ARFIP1: variants seen among roughly 807,000 people sequenced by gnomAD.
ARFIP1 encodes arfaptin-1.
A neutral mutation model predicts 42.5 loss-of-function variants in ARFIP1; 24 were observed. The observed-to-expected ratio is 0.57, with a 90% CI of 0.41 to 0.80. ARFIP1 has a LOEUF of 0.80. ARFIP1 is among the 30% of genes least tolerant of loss of function. ARFIP1 has a pLI of 0.00. For missense variants in ARFIP1, 354 were observed against 434.0 expected, an observed-to-expected ratio of 0.82 and a Z score of 1.64; for synonymous variants, 141 against 153.7, an observed-to-expected ratio of 0.92 and a Z score of 0.61.
At chr4:152,882,359 G>A (rs1024305226) in intron 6 of ARFIP1, among the ~76,000 whole-genome samples, 3 of 152,138 alleles carry the variant, frequency 2.0e-5, no homozygotes, top group Non-Finnish European at 4.4e-5. Flanking sequence ...TAATTTGGCT[G>A]TGAAAGTTAT....
intron 1 of ARFIP1, among the ~76,000 whole-genome samples, chr4:152,825,988 TA>T (rs1331506424): frequency 6.6e-6 from 1 of 151,590 alleles, no homozygotes; most frequent in Non-Finnish European, 1.5e-5. Context: ...TGGCCATGAT[TA>T]AAAAGTCAAA....
intron 4 of ARFIP1, among the ~76,000 whole-genome samples, 195 bp downstream of exon 4, chr4:152,871,043 G>T (rs1299868602): frequency 6.6e-6 from 1 of 152,028 alleles, no homozygotes; most frequent in African/African-American, 2.4e-5. Context: ...GAATAATTCG[G>T]CTGTATCTCA....
intron 5 of ARFIP1, among the ~76,000 whole-genome samples, chr4:152,874,480 C>T (rs1735154432): frequency 6.6e-6 from 1 of 152,136 alleles, no homozygotes; most frequent in African/African-American, 2.4e-5. Flanking sequence ...ATATTCCACT[C>T]AACCAAAAAA....
At chr4:152,887,285 TGGG>T (rs893150438) in intron 7 of ARFIP1, among the ~76,000 whole-genome samples, 4 of 151,844 alleles carry the variant, frequency 2.6e-5, no homozygotes, top group African/African-American at 9.7e-5. Flanking sequence ...TTTGAGTTGA[TGGG>T]GGGAGAATAT....
At chr4:152,853,485 A>C (rs2149868244) in intron 2 of ARFIP1, among the ~76,000 whole-genome samples, 1 of 152,286 alleles carries the variant, frequency 6.6e-6, no homozygotes, top group African/African-American at 2.4e-5. Flanking sequence ...AATATGTCAT[A>C]CCATTTTCTC....
chr4:152,907,541 AT>A (rs1738470473), intron 8 of ARFIP1, among the ~76,000 whole-genome samples: 1 of 152,080 alleles, frequency 6.6e-6, no homozygotes, highest in African/African-American at 2.4e-5. Context: ...GAATTTGTTT[AT>A]TGTTCCTATT....
intron 1 of ARFIP1, among the ~76,000 whole-genome samples, chr4:152,814,247 T>C (rs1391070358): frequency 1.3e-5 from 2 of 152,000 alleles, no homozygotes; most frequent in African/African-American, 4.8e-5. Context: ...CGCACCACCA[T>C]GCCTAGCTAA....
intron 5 of ARFIP1, among the ~76,000 whole-genome samples, chr4:152,878,798 A>G (rs924603782): frequency 1.3e-5 from 2 of 152,198 alleles, no homozygotes; most frequent in Admixed American, 6.5e-5. Context: ...TGTGCTAAGA[A>G]ACAATCCTTC....
At position 152,911,671 on chromosome 4, in the gene ARFIP1, A is replaced by G. The variant is rs774990596; in HGVS notation, c.*1452A>G. 1.6e-4 allele frequency: 25 copies of G among 152,590 alleles called. No homozygotes were observed. Among genetic ancestry groups the G allele is most frequent in the Admixed American group, 4.6e-4 (7 of 15,280 alleles). 9.5% of individuals were successfully genotyped at this position (152,590 alleles called of 1,614,324 possible). On this transcript the variant is annotated 3_prime_UTR_variant, in exon 9 of 9. Coordinates refer to ENST00000353617, the MANE Select transcript of ARFIP1 (RefSeq NM_001025595.3). The stretch of plus-strand genomic sequence containing the variant: ...CTTTGTGGACTGTAAGATTTGTTAT[A>G]TATGTTCAAATGCCTTTTAGCTGGC...
At chr4:152,781,234 C>CTT (rs535397594) in intron 1 of ARFIP1, among the ~76,000 whole-genome samples, 1,598 of 118,898 alleles carry the variant, frequency 0.013, 32 homozygotes, top group African/African-American at 0.028. Flanking sequence ...TTTCTTTTTT[C>CTT]TTTTTTTTTT....
intron 1 of ARFIP1, among the ~76,000 whole-genome samples, chr4:152,811,643 G>A (rs75936393): frequency 0.019 from 2,957 of 152,312 alleles, 42 homozygotes; most frequent in Non-Finnish European, 0.03. Flanking sequence ...GGAACCTATT[G>A]TGAAGGACCT....
At chr4:152,840,829 C>T (rs1732007792) in intron 2 of ARFIP1, among the ~76,000 whole-genome samples, 1 of 151,156 alleles carries the variant, frequency 6.6e-6, no homozygotes, top group Non-Finnish European at 1.5e-5. Flanking sequence ...GGTGATTCTC[C>T]TACCTCAGCC....
intron 1 of ARFIP1, among the ~76,000 whole-genome samples, chr4:152,789,251 C>T (rs557203396): frequency 9.2e-5 from 14 of 151,670 alleles, no homozygotes; most frequent in East Asian, 1.9e-4. Context: ...CCACCATGCC[C>T]GGCTAATTTT....
At chr4:152,815,859 C>T (rs1578858191) in intron 1 of ARFIP1, among the ~76,000 whole-genome samples, 1 of 150,836 alleles carries the variant, frequency 6.6e-6, no homozygotes, top group Non-Finnish European at 1.5e-5. Context: ...ATTCTCCTGC[C>T]TCAGCCTCCC....
intron 1 of ARFIP1, among the ~76,000 whole-genome samples, chr4:152,804,005 T>TGTAATATATATATTATATATAATATAAC (rs1561107629): frequency 3.7e-4 from 50 of 136,010 alleles, no homozygotes; most frequent in African/African-American, 1.3e-3. Context: ...TAATATAACA[T>TGTAATATATATATTATATATAATATAAC]GTAATATATA....
At chr4:152,829,800 C>A (rs1419822988) in intron 2 of ARFIP1, 74 bp downstream of exon 2, 3 of 1,177,318 alleles carry the variant, frequency 2.5e-6, no homozygotes, top group Non-Finnish European at 3.6e-6. Flanking sequence ...AAGTAATAGA[C>A]AAAATTTAAT....
At chr4:152,859,561 T>G (rs1733711702) in intron 2 of ARFIP1, among the ~76,000 whole-genome samples, 1 of 152,194 alleles carries the variant, frequency 6.6e-6, no homozygotes, top group South Asian at 2.1e-4. Flanking sequence ...CCAGTTTATC[T>G]TTCAAATTCT....
chr4:152,800,936 G>A (rs891902290), intron 1 of ARFIP1, among the ~76,000 whole-genome samples: 12 of 152,064 alleles, frequency 7.9e-5, no homozygotes, highest in African/African-American at 2.9e-4. Context: ...GGTACAATTT[G>A]AACTACTTGA....
intron 5 of ARFIP1, among the ~76,000 whole-genome samples, chr4:152,875,369 C>CTTTTTTTTTTTTTTTT (rs1336257681): frequency 1.7e-5 from 1 of 60,462 alleles, no homozygotes; most frequent in African/African-American, 6.5e-5. Flanking sequence ...TGAAGTTTGT[C>CTTTTTTTTTTTTTTTT]TTTTTTTATA....
Sources: gnomAD v4.1 joint callset for allele counts (sites outside exome capture counted in the v4.1 genomes callset) on GRCh38, gnomAD v4.1.1 for gene constraint, MANE v1.5 for transcripts, NCBI Gene and HGNC (gene_info 2026-07-23, HGNC 2026-07-21) for gene names.